Variants in ADAMTS12 observed in about 807,000 individuals in gnomAD.
ADAMTS12 encodes A disintegrin and metalloproteinase with thrombospondin motifs 12.
In ADAMTS12, 118 loss-of-function variants were observed where a neutral mutation model predicts 167.8. The observed-to-expected ratio is 0.70, with a 90% CI of 0.61 to 0.82. ADAMTS12 has a LOEUF of 0.82. Ranked by LOEUF, ADAMTS12 falls within the 40% of genes least tolerant of loss-of-function variation. The probability of loss-of-function intolerance (pLI) is 0.00; values close to 1 mark genes in which losing one functional copy is unlikely to be tolerated. For missense variants in ADAMTS12, 1,916 were observed against 1,998.8 expected (o/e 0.96, Z 0.79); for synonymous variants, 704 against 716.9 (o/e 0.98, Z 0.29).
chr5:33,861,952 C>G (rs1013402384), intron 2 of ADAMTS12, among the ~76,000 whole-genome samples: 3 of 152,104 alleles, frequency 2.0e-5, no homozygotes, highest in African/African-American at 7.2e-5. Flanking sequence ...GAAATAAAGG[C>G]AGAAATAAAG....
chr5:33,770,795 C>T (rs910319826), intron 2 of ADAMTS12, among the ~76,000 whole-genome samples: 1 of 148,356 alleles, frequency 6.7e-6, no homozygotes, highest in East Asian at 1.9e-4. Context: ...TCTTCTCCTT[C>T]TCCTCCTTCT....
chr5:33,783,766 A>G (rs751961784), intron 2 of ADAMTS12, among the ~76,000 whole-genome samples: 4 of 151,950 alleles, frequency 2.6e-5, no homozygotes, highest in Non-Finnish European at 4.4e-5. Flanking sequence ...TCAATGATCA[A>G]TTTTATCCAA....
intron 7 of ADAMTS12, among the ~76,000 whole-genome samples, chr5:33,653,109 G>A (rs1426572405): frequency 6.6e-6 from 1 of 152,024 alleles, no homozygotes; most frequent in Non-Finnish European, 1.5e-5. Context: ...TTTGATCTTA[G>A]GGGAAACATA....
chr5:33,633,111 A>G lies in ADAMTS12; in HGVS notation c.1889-2198T>C, dbSNP rs187055005. Among the ~76,000 whole-genome samples the G allele has an allele frequency of 1.8e-4, 27 of 151,356 alleles. 1 individual carries two copies. Among genetic ancestry groups the G allele is most frequent in the Middle Eastern group, 3.4e-3 (1 of 294 alleles). On this transcript the variant is annotated intron_variant, in intron 12 of 23. Coordinates refer to ENST00000504830, the MANE Select transcript of ADAMTS12 (RefSeq NM_030955.4). ...TGGTTATCTTGGAGGAATACATTAA[A>G]TGCAGTGGGATAATAGGAATTCATT... is the stretch of plus-strand genomic sequence containing the variant.
At chr5:33,808,084 C>A (rs1265276593) in intron 2 of ADAMTS12, among the ~76,000 whole-genome samples, 1 of 152,108 alleles carries the variant, frequency 6.6e-6, no homozygotes, top group African/African-American at 2.4e-5. Flanking sequence ...GAAGGAGAAA[C>A]AACGGGATCA....
At chr5:33,839,743 A>C (rs1279952284) in intron 2 of ADAMTS12, among the ~76,000 whole-genome samples, 1 of 152,140 alleles carries the variant, frequency 6.6e-6, no homozygotes, top group Non-Finnish European at 1.5e-5. Context: ...CCCACTCAAA[A>C]AGGTTGTATC....
At chr5:33,804,375 A>T (rs899494651) in intron 2 of ADAMTS12, among the ~76,000 whole-genome samples, 17 of 152,176 alleles carry the variant, frequency 1.1e-4, no homozygotes, top group African/African-American at 3.6e-4. Flanking sequence ...CCATGGGAAG[A>T]GCCTCCTGCC....
chr5:33,615,412 G>A (rs1011532532), intron 15 of ADAMTS12, among the ~76,000 whole-genome samples: 26 of 152,288 alleles, frequency 1.7e-4, no homozygotes, highest in African/African-American at 6.0e-4. Flanking sequence ...AAGAGCACAT[G>A]TTGTATTCTA....
rs561493649 is a variant in ADAMTS12, at chr5:33,587,433, T to A, written c.2865+1166A>T. Among the ~76,000 whole-genome samples, 3 of 152,298 alleles carry A rather than the reference T, an allele frequency of 2.0e-5. No homozygotes were observed. The South Asian group carries it at 6.2e-4, about 32-fold the overall frequency. The stretch of plus-strand genomic sequence containing the variant: ...AGTCCTCACAGGAGTTCCTAAAATA[T>A]CCTGAGCAATGGTGGCATTATTGTT... On this transcript the variant is annotated intron_variant, in intron 18 of 23. Transcript: ENST00000504830.
intron 3 of ADAMTS12, among the ~76,000 whole-genome samples, chr5:33,698,230 G>A (rs181384572): frequency 2.8e-4 from 42 of 152,266 alleles, no homozygotes; most frequent in African/African-American, 9.9e-4. Context: ...CCTTTATAAT[G>A]ATGTTACATT....
intron 5 of ADAMTS12, among the ~76,000 whole-genome samples, chr5:33,677,490 GA>G (rs1741957791): frequency 6.6e-6 from 1 of 152,184 alleles, no homozygotes; most frequent in African/African-American, 2.4e-5. Flanking sequence ...CTGCTCACAA[GA>G]ATTGGAGGAA....
chr5:33,715,942 G>C (rs562384675), intron 3 of ADAMTS12, among the ~76,000 whole-genome samples: 1 of 152,088 alleles, frequency 6.6e-6, no homozygotes, highest in African/African-American at 2.4e-5. Flanking sequence ...ACAATTTACT[G>C]TTAATAAGGG....
intron 2 of ADAMTS12, among the ~76,000 whole-genome samples, chr5:33,787,546 T>C (rs1252968331): frequency 6.6e-6 from 1 of 152,204 alleles, no homozygotes; most frequent in East Asian, 1.9e-4. Context: ...GCCAAGTATA[T>C]GGGGTAGGTT....
chr5:33,606,041 C>T (rs752666305), intron 16 of ADAMTS12, among the ~76,000 whole-genome samples: 1 of 152,224 alleles, frequency 6.6e-6, no homozygotes, highest in East Asian at 1.9e-4. Flanking sequence ...TCTGCCTCCC[C>T]GGTTCAAGCA....
At chr5:33,836,076 G>A (rs1033002060) in intron 2 of ADAMTS12, among the ~76,000 whole-genome samples, 4 of 152,102 alleles carry the variant, frequency 2.6e-5, no homozygotes, top group African/African-American at 9.7e-5. Context: ...TTGTTTTCAT[G>A]AAGCCCACAT....
At chr5:33,597,355 G>A (rs2112038316) in intron 16 of ADAMTS12, among the ~76,000 whole-genome samples, 1 of 152,332 alleles carries the variant, frequency 6.6e-6, no homozygotes, top group Admixed American at 6.5e-5. Flanking sequence ...AGAACAGTCT[G>A]TACAAAGGCT....
At chr5:33,679,236 T>C (rs776501948) in intron 5 of ADAMTS12, among the ~76,000 whole-genome samples, 1 of 152,214 alleles carries the variant, frequency 6.6e-6, no homozygotes, top group Non-Finnish European at 1.5e-5. Flanking sequence ...GGTTTAAGAA[T>C]AAAGCCATTG....
intron 2 of ADAMTS12, among the ~76,000 whole-genome samples, chr5:33,849,558 T>C (rs189468849): frequency 7.7e-5 from 11 of 143,472 alleles, no homozygotes; most frequent in African/African-American, 2.6e-4. Context: ...ATGTACTGCA[T>C]AGCAATACAC....
intron 3 of ADAMTS12, among the ~76,000 whole-genome samples, chr5:33,704,201 G>A (rs1185198295): frequency 6.6e-6 from 1 of 152,106 alleles, no homozygotes; most frequent in Non-Finnish European, 1.5e-5. Context: ...TTTGACAACA[G>A]TATTTCATTG....
Sources: allele counts gnomAD v4.1 joint callset (sites outside exome capture counted in the v4.1 genomes callset), GRCh38; gene constraint gnomAD v4.1.1; transcripts MANE v1.5; gene names NCBI Gene and HGNC (gene_info 2026-07-23, HGNC 2026-07-21).